NTRK1: variants seen among roughly 807,000 people sequenced by gnomAD.
NTRK1 encodes the protein high affinity nerve growth factor receptor.
A neutral mutation model predicts 86.8 loss-of-function variants in NTRK1; 62 were observed. That is an observed-to-expected ratio of 0.71 (90% confidence interval 0.58 to 0.88). The LOEUF (loss-of-function observed/expected upper bound fraction) is 0.88, where lower values mean the gene tolerates loss of function less well. NTRK1 is among the 40% of genes least tolerant of loss of function. The probability of loss-of-function intolerance (pLI) is 0.00; values close to 1 mark genes in which losing one functional copy is unlikely to be tolerated. For synonymous variants in NTRK1, 469 were observed against 456.6 expected (o/e 1.03, Z -0.35); for missense variants, 967 against 1,078.4 (o/e 0.90, Z 1.45).
chr1:156,840,810 G>T, intron 1 of NTRK1: 1 of 1,291,558 alleles, frequency 7.7e-7, no homozygotes, highest in East Asian at 2.4e-5. Flanking sequence ...AGGCGTCTCA[G>T]CCACAGAGGT....
At chr1:156,830,245 C>T (rs1654434179) in intron 1 of NTRK1, among the ~76,000 whole-genome samples, 1 of 152,218 alleles carries the variant, frequency 6.6e-6, no homozygotes, top group African/African-American at 2.4e-5. Context: ...TGTGTGGAAG[C>T]CTGGGCCCAG....
chr1:156,866,737 C>A (rs1195585538), intron 3 of NTRK1, among the ~76,000 whole-genome samples, 173 bp from the exon 4 acceptor site: 5 of 150,854 alleles, frequency 3.3e-5, no homozygotes, highest in Non-Finnish European at 7.4e-5. Flanking sequence ...AGTCCCCCCA[C>A]CCCCCACCCC....
chr1:156,862,770 C>A (rs1240922015), intron 1 of NTRK1, among the ~76,000 whole-genome samples: 1 of 152,206 alleles, frequency 6.6e-6, no homozygotes, highest in Non-Finnish European at 1.5e-5. Flanking sequence ...TGCATTCTCA[C>A]CCCCTCCCTG....
intron 1 of NTRK1, chr1:156,816,039 G>A: frequency 3.1e-6 from 5 of 1,614,084 alleles, no homozygotes; most frequent in Non-Finnish European, 4.2e-6. Context: ...AGCTCCTGCG[G>A]GTCATGTCTG....
At chr1:156,841,726 C>T (rs779745536) in intron 1 of NTRK1, 23 of 1,614,048 alleles carry the variant, frequency 1.4e-5, no homozygotes, top group African/African-American at 6.7e-5. Flanking sequence ...ATCCAGCGCA[C>T]GGGCAGCAGC....
At position 156,860,900 on chromosome 1, in the gene NTRK1, G is replaced by C. The variant is rs945643251; in HGVS notation, c.-35G>C. On this transcript the variant is annotated 5_prime_UTR_variant, in exon 1 of 17. Transcript: ENST00000524377. ...CAGCTGCAGCTGGGAGCGCACAGACGGCTGCCCCGCCTGAGCGAGGCGGGC... is the reference window on the plus strand; with the variant it reads ...CAGCTGCAGCTGGGAGCGCACAGACCGCTGCCCCGCCTGAGCGAGGCGGGC... The C allele has an allele frequency of 4.2e-6, 6 of 1,420,222 alleles. No individual in the cohort carries two copies. The highest frequency in any genetic ancestry group is 1.5e-5 in the South Asian group (1 of 65,522). The allele number at this position is 1,420,222 out of a possible 1,614,324, so 88.0% of individuals were successfully genotyped here.
chr1:156,863,923 C>T (rs545017991), intron 1 of NTRK1, among the ~76,000 whole-genome samples: 11 of 152,246 alleles, frequency 7.2e-5, no homozygotes, highest in Admixed American at 3.9e-4. Context: ...TGTGTGTGCA[C>T]GTGAGAGATG....
chr1:156,816,923 T>A, intron 1 of NTRK1: 3 of 425,200 alleles, frequency 7.1e-6, no homozygotes, highest in Non-Finnish European at 1.3e-5. Context: ...TAGATAGCGG[T>A]GGTATAGCGG....
intron 9 of NTRK1, 85 bp downstream of exon 9, chr1:156,874,485 A>G (rs2102909460): frequency 6.2e-7 from 1 of 1,611,760 alleles, no homozygotes; most frequent in South Asian, 1.1e-5. Context: ...CTGATCCCTG[A>G]GAGACCAGCT....
At chr1:156,878,050 A>T (rs1321022863) in intron 14 of NTRK1, among the ~76,000 whole-genome samples, 3 of 152,194 alleles carry the variant, frequency 2.0e-5, no homozygotes, top group African/African-American at 4.8e-5. Flanking sequence ...TCTGGGGCCC[A>T]GGCTGTGGGA....
rs1171586266 is a variant in NTRK1 at position 156,881,751 on chromosome 1, C to T, written c.*109C>T. The T allele has an allele frequency of 1.7e-6, 2 of 1,159,252 alleles. No individual in the cohort carries two copies. The highest frequency in any genetic ancestry group is 5.3e-5 in the East Asian group (2 of 37,644). 71.8% of individuals were successfully genotyped at this position (1,159,252 alleles called of 1,614,324 possible). On this transcript the variant is annotated 3_prime_UTR_variant, in exon 17 of 17. Coordinates refer to ENST00000524377, the MANE Select transcript of NTRK1 (RefSeq NM_002529.4). ...GGTGATCTCAAAGTATCTAATTCAC[C>T]CTCAGCATGTGGGAAGGGACAGGTG...
intron 1 of NTRK1, chr1:156,816,173 C>T: frequency 5.3e-6 from 8 of 1,510,392 alleles, no homozygotes; most frequent in Non-Finnish European, 7.1e-6. Context: ...TCCTCCCAGG[C>T]TCAGGGGATC....
rs756906899 is a variant in NTRK1 at position 156,876,381 on chromosome 1, C to A, written c.1633-19C>A. On this transcript the variant is annotated intron_variant, in intron 13 of 16. Coordinates refer to ENST00000524377, the MANE Select transcript of NTRK1 (RefSeq NM_002529.4). ...GGCTCGGCCCCCAACTCAGTCCTGTCCCTGCCGCTTCCATCCAGGCACTGA... is the reference window on the plus strand; with the variant it reads ...GGCTCGGCCCCCAACTCAGTCCTGTACCTGCCGCTTCCATCCAGGCACTGA... 6.8e-6 allele frequency: 11 copies of A among 1,613,580 alleles called. No homozygotes were observed. Among genetic ancestry groups the A allele is most frequent in the Non-Finnish European group, 9.3e-6 (11 of 1,179,990 alleles).
At chr1:156,850,534 CTTTTTTTTTTTTTTTTTTTT>C (rs35237064) in intron 2 of NTRK1, among the ~76,000 whole-genome samples, 10 of 58,618 alleles carry the variant, frequency 1.7e-4, no homozygotes, top group African/African-American at 5.0e-4. Context: ...TTAAAACATT[CTTTTTTTTTTTTTTTTTTTT>C]TTTTTTTTTT....
chr1:156,822,759 TC>T (rs1444992843), intron 1 of NTRK1, among the ~76,000 whole-genome samples: 7 of 152,136 alleles, frequency 4.6e-5, no homozygotes, highest in African/African-American at 1.7e-4. Context: ...GGTAGGGTGA[TC>T]CAGACCTTCG....
At chr1:156,874,520 G>A (rs2102909644) in intron 9 of NTRK1, 51 bp from the exon 10 acceptor site, 4 of 1,611,578 alleles carry the variant, frequency 2.5e-6, no homozygotes, top group Non-Finnish European at 3.4e-6. Flanking sequence ...GGGGTTACTG[G>A]AGGCTACAGT....
chr1:156,847,673 G>A (rs184437855), intron 2 of NTRK1, among the ~76,000 whole-genome samples: 150 of 152,178 alleles, frequency 9.9e-4, no homozygotes, highest in African/African-American at 3.4e-3. Flanking sequence ...CAGGTTGGGG[G>A]GGTGGGGGCT....
chr1:156,851,114 A>T (rs1356901575), intron 2 of NTRK1: 3 of 726,384 alleles, frequency 4.1e-6, no homozygotes, highest in African/African-American at 1.8e-5. Context: ...AAGTAATGTT[A>T]TATTAGCCCT....
At chr1:156,841,929 A>G in intron 1 of NTRK1, 1 of 1,551,386 alleles carries the variant, frequency 6.4e-7, no homozygotes, top group South Asian at 1.1e-5. Context: ...GGCTCAATGG[A>G]CCTCAGAACT....
Sources: gnomAD v4.1 joint callset for allele counts (sites outside exome capture counted in the v4.1 genomes callset) on GRCh38, gnomAD v4.1.1 for gene constraint, MANE v1.5 for transcripts, NCBI Gene and HGNC (gene_info 2026-07-23, HGNC 2026-07-21) for gene names.